MSH4: variants seen among roughly 807,000 people sequenced by gnomAD.
MSH4 encodes mutS homolog 4.
In MSH4, 106 loss-of-function variants were observed where a neutral mutation model predicts 113.7. The ratio of observed to expected loss-of-function variants is 0.93; its 90% confidence interval spans 0.80 to 1.10. The LOEUF (loss-of-function observed/expected upper bound fraction) is 1.10, where lower values mean the gene tolerates loss of function less well. Ranked by LOEUF, MSH4 falls within the 50% of genes least tolerant of loss-of-function variation. MSH4 has a pLI of 0.00. For missense variants in MSH4, 1,061 were observed against 1,093.7 expected (o/e 0.97, Z 0.42); for synonymous variants, 368 against 380.2 (o/e 0.97, Z 0.37).
intron 19 of MSH4, among the ~76,000 whole-genome samples, chr1:75,903,413 T>C (rs1412082845): frequency 6.6e-6 from 1 of 152,006 alleles, no homozygotes; most frequent in Non-Finnish European, 1.5e-5. Context: ...CAGGACTCTG[T>C]TGTTTTGGTT....
chr1:75,815,155 T>C lies in MSH4; in HGVS notation c.815+19T>C, dbSNP rs756937827. 1.5e-6 allele frequency: 2 copies of C among 1,353,928 alleles called. No homozygotes were observed. The highest frequency in any genetic ancestry group is 5.1e-5 in the Admixed American group (2 of 39,300). The allele number at this position is 1,353,928 out of a possible 1,614,324, so 83.9% of individuals were successfully genotyped here. A position where few individuals can be genotyped will look rare whatever the true frequency, so the allele number is the denominator to read the frequency against. ...AGTCCAAGTAAGTTATATATTTATT[T>C]ATTTTTTTACTAGCCCACAGCTACC... On this transcript the variant is annotated intron_variant, in intron 5 of 19. Transcript: ENST00000263187.
intron 19 of MSH4, among the ~76,000 whole-genome samples, chr1:75,910,741 C>G (rs1398894547): frequency 2.0e-5 from 3 of 152,064 alleles, no homozygotes; most frequent in African/African-American, 7.2e-5. Context: ...CCATATTTCT[C>G]CTACATATCT....
At chr1:75,898,493 T>C (rs1412469615) in intron 18 of MSH4, among the ~76,000 whole-genome samples, 2 of 151,360 alleles carry the variant, frequency 1.3e-5, no homozygotes, top group East Asian at 1.9e-4. Context: ...ATCTTAAATC[T>C]TAAAAGAGAA....
chr1:75,803,669 G>A, intron 1 of MSH4, 62 bp from the exon 2 acceptor site: 1 of 1,171,010 alleles, frequency 8.5e-7, no homozygotes. Context: ...AAATTATAAT[G>A]ACTAATACAT....
At chr1:75,846,054 G>T (rs543961378) in intron 7 of MSH4, among the ~76,000 whole-genome samples, 1 of 152,344 alleles carries the variant, frequency 6.6e-6, no homozygotes, top group African/African-American at 2.4e-5. Context: ...CTGAGCTACA[G>T]TTGTGGTGGC....
intron 19 of MSH4, among the ~76,000 whole-genome samples, chr1:75,907,689 C>CACATATATATATATAT (rs1652694037): frequency 1.3e-5 from 1 of 78,622 alleles, no homozygotes; most frequent in African/African-American, 5.9e-5. Context: ...TCTCTCTATA[C>CACATATATATATATAT]ATATATATAT....
rs1287391146 is a variant in MSH4 at position 75,881,350 on chromosome 1, C to T, written c.1886C>T (p.Ala629Val). 3 of 1,611,622 alleles carry T rather than the reference C, an allele frequency of 1.9e-6. No homozygotes were observed. The change falls in exon 14 of 20, where the codon GCC (alanine) becomes GTC (valine). Residue 629 changes from alanine to valine, a missense_variant. Physicochemically the swap from Ala to Val is moderately conservative, Grantham distance 64. Coordinates refer to ENST00000263187, the MANE Select transcript of MSH4 (RefSeq NM_002440.4). ...MLDMLLSFAHACTLSDYVRPE... is the reference protein window; with the variant it reads ...MLDMLLSFAHVCTLSDYVRPE... ...GATATGCTACTGTCATTTGCTCATG[C>T]CTGCACTCTTTCTGACTATGGTAAG...
chr1:75,883,119 C>T (rs757691125), intron 14 of MSH4, among the ~76,000 whole-genome samples: 9 of 151,838 alleles, frequency 5.9e-5, no homozygotes, highest in Non-Finnish European at 1.2e-4. Flanking sequence ...ATCCTCCTAT[C>T]TCAACCCCAC....
At chr1:75,885,017 GTATA>G (rs368190243) in intron 15 of MSH4, among the ~76,000 whole-genome samples, 34 of 135,510 alleles carry the variant, frequency 2.5e-4, no homozygotes, top group South Asian at 6.7e-4. Flanking sequence ...GTGTATGTGT[GTATA>G]TATATATATG....
At chr1:75,892,289 C>G (rs1652272659) in intron 17 of MSH4, among the ~76,000 whole-genome samples, 2 of 151,990 alleles carry the variant, frequency 1.3e-5, no homozygotes, top group African/African-American at 4.8e-5. Flanking sequence ...TATAGCTAGC[C>G]CATTTTAGAC....
intron 7 of MSH4, among the ~76,000 whole-genome samples, chr1:75,838,617 A>G (rs1224986058): frequency 6.6e-6 from 1 of 152,198 alleles, no homozygotes; most frequent in African/African-American, 2.4e-5. Flanking sequence ...TTTTCTATAT[A>G]GCTGTTTTCC....
At chr1:75,889,171 T>C in intron 15 of MSH4, 80 bp from the exon 16 acceptor site, 1 of 703,704 alleles carries the variant, frequency 1.4e-6, no homozygotes, top group Non-Finnish European at 2.4e-6. Context: ...TCCTTGTAAA[T>C]AATCTGAGAA....
chr1:75,856,857 C>T (rs138753916), intron 8 of MSH4, among the ~76,000 whole-genome samples: 1 of 152,174 alleles, frequency 6.6e-6, no homozygotes, highest in Non-Finnish European at 1.5e-5. Context: ...CTTGAGGAAT[C>T]ATCACACTGT....
intron 15 of MSH4, among the ~76,000 whole-genome samples, chr1:75,886,646 A>G (rs1434107216): frequency 1.5e-5 from 2 of 132,594 alleles, no homozygotes; most frequent in Non-Finnish European, 3.1e-5. Context: ...ATAATTATGT[A>G]TAAATATAGA....
At chr1:75,823,881 G>A (rs909370209) in intron 7 of MSH4, among the ~76,000 whole-genome samples, 2 of 152,120 alleles carry the variant, frequency 1.3e-5, no homozygotes, top group East Asian at 3.8e-4. Context: ...TATCATTGAT[G>A]GGCATTTGGG....
intron 7 of MSH4, among the ~76,000 whole-genome samples, chr1:75,822,935 TTA>T: frequency 6.6e-6 from 1 of 152,306 alleles, no homozygotes; most frequent in South Asian, 2.1e-4. Flanking sequence ...ATAGGATATA[TTA>T]GTTTCCTAGG....
chr1:75,823,793 A>C (rs547173248), intron 7 of MSH4, among the ~76,000 whole-genome samples: 2 of 152,202 alleles, frequency 1.3e-5, no homozygotes, highest in Non-Finnish European at 2.9e-5. Context: ...ATGTCCCTGC[A>C]GAGGTCATGA....
intron 7 of MSH4, among the ~76,000 whole-genome samples, chr1:75,844,091 G>T (rs1042063987): frequency 1.3e-5 from 2 of 152,104 alleles, no homozygotes; most frequent in African/African-American, 2.4e-5. Flanking sequence ...GATTACAGGC[G>T]TAAGCCACCA....
chr1:75,797,238 T>C lies in MSH4; in HGVS notation c.244+9T>C. ...CTCCCGGCCAGCTCAAGGCAAGGAG[T>C]GATTGGGTGGAGGAGTCTCCTTGAG... On this transcript the variant is annotated intron_variant, in intron 1 of 19. Coordinates refer to ENST00000263187, the MANE Select transcript of MSH4 (RefSeq NM_002440.4). 6.3e-7 allele frequency: 1 copy of C among 1,598,182 alleles called. No individual in the cohort carries two copies. The highest frequency in any genetic ancestry group is 8.5e-7 in the Non-Finnish European group (1 of 1,173,218).
Sources: allele counts gnomAD v4.1 joint callset (sites outside exome capture counted in the v4.1 genomes callset), GRCh38; gene constraint gnomAD v4.1.1; transcripts MANE v1.5; gene names NCBI Gene and HGNC (gene_info 2026-07-23, HGNC 2026-07-21).